Variants in RASA2 observed in about 807,000 individuals in gnomAD.
The protein encoded by RASA2 is RAS p21 protein activator 2.
RASA2 carries 155 observed loss-of-function variants against 118.2 expected under a neutral mutation model. That is an observed-to-expected ratio of 1.31 (90% CI 1.15 to 1.50). The LOEUF (loss-of-function observed/expected upper bound fraction) is 1.50, where lower values mean the gene tolerates loss of function less well. Ranked by LOEUF, RASA2 falls within the 40% of genes most tolerant of loss-of-function variation. The pLI, the probability that RASA2 is intolerant of heterozygous loss-of-function variation, is 0.00. For missense variants in RASA2, 1,016 were observed against 1,009.6 expected (o/e 1.01, Z -0.09); for synonymous variants, 353 against 349.1 (o/e 1.01, Z -0.12).
At chr3:141,544,374 C>T (rs559751368) in intron 5 of RASA2, among the ~76,000 whole-genome samples, 9 of 152,234 alleles carry the variant, frequency 5.9e-5, no homozygotes, top group South Asian at 2.1e-4. Flanking sequence ...TCTTTCAGAA[C>T]GCCAGTGGCA....
At chr3:141,555,665 C>A (rs567135906) in intron 6 of RASA2, among the ~76,000 whole-genome samples, 175 bp from the exon 7 acceptor site, 1 of 151,692 alleles carries the variant, frequency 6.6e-6, no homozygotes, top group African/African-American at 2.4e-5. Context: ...CTTATATATT[C>A]TTTGATTTGA....
chr3:141,549,006 A>T (rs750657392), intron 5 of RASA2, among the ~76,000 whole-genome samples: 8 of 152,116 alleles, frequency 5.3e-5, no homozygotes, highest in Admixed American at 1.3e-4. Flanking sequence ...ATTTATCATC[A>T]CAGGCCTCAC....
rs1437661849 is a variant in RASA2, at chr3:141,529,725, AAAG to A, written c.378_380del (p.Glu126del). On this transcript the variant is annotated inframe_deletion, in exon 4 of 24. Transcript: ENST00000286364. The stretch of plus-strand genomic sequence containing the variant: ...TTCTGTAGGAAAAGTAGCCATCAAA[AAAG>A]AAGACTTGTGTAATCACAGTGGCAA... 1.9e-6 allele frequency: 3 copies of A among 1,611,204 alleles called. No individual in the cohort carries two copies. The highest frequency in any genetic ancestry group is 2.5e-6 in the Non-Finnish European group (3 of 1,178,056).
chr3:141,536,799 G>A, intron 4 of RASA2, among the ~76,000 whole-genome samples: 1 of 148,524 alleles, frequency 6.7e-6, no homozygotes, highest in South Asian at 2.1e-4. Context: ...TTCTGCTGGA[G>A]TGCAATGGTG....
intron 9 of RASA2, among the ~76,000 whole-genome samples, chr3:141,568,826 T>C (rs1019098043): frequency 1.3e-5 from 2 of 152,062 alleles, no homozygotes; most frequent in African/African-American, 4.8e-5. Context: ...AAATAAATTT[T>C]GTGGGCAATA....
At chr3:141,503,252 C>A (rs1156318275) in intron 1 of RASA2, among the ~76,000 whole-genome samples, 1 of 152,196 alleles carries the variant, frequency 6.6e-6, no homozygotes, top group Non-Finnish European at 1.5e-5. Flanking sequence ...AATCCTCAAA[C>A]ATCCACATAG....
intron 3 of RASA2, among the ~76,000 whole-genome samples, chr3:141,519,150 G>T (rs1279713201): frequency 6.6e-6 from 1 of 152,082 alleles, no homozygotes; most frequent in African/African-American, 2.4e-5. Context: ...GTAAATTTCT[G>T]TATTGCCCCT....
intron 1 of RASA2, among the ~76,000 whole-genome samples, chr3:141,501,491 A>G (rs1016347078): frequency 2.6e-4 from 39 of 152,220 alleles, no homozygotes; most frequent in African/African-American, 9.4e-4. Flanking sequence ...GCTCACAACA[A>G]TCTTGAAGCA....
rs2107776945 is a variant in RASA2 at position 141,586,710 on chromosome 3, T to C, written c.1891T>C (p.Phe631Leu). ...AAAAAAGAATTTTAAGAAACGATGG[T>C]TCTGCTTAACAAGCAGAGAGCTCAC... ...IGKKNFKKRW[F>L]CLTSRELTYH... Residue 631 changes from phenylalanine to leucine, a missense_variant, in exon 19 of 24, where the codon TTC (phenylalanine) becomes CTC (leucine). Phe to Leu is a conservative substitution (Grantham distance 22). Transcript: ENST00000286364. 1 of 1,613,752 alleles carries C rather than the reference T, an allele frequency of 6.2e-7. No individual in the cohort carries two copies. Among genetic ancestry groups the C allele is most frequent in the Non-Finnish European group, 8.5e-7 (1 of 1,179,766 alleles).
Position 141,487,180 on chromosome 3 carries a change from G to C in RASA2, c.97G>C (p.Glu33Gln). Residue 33 changes from glutamate to glutamine, a missense_variant, in exon 1 of 24, where the codon GAG becomes CAG. By Grantham distance (29) the Glu-to-Gln change is conservative. This residue lies in a region of RASA2 where 896 missense variants were observed against 836.4 expected (regional missense o/e 1.07). Transcript: ENST00000286364. ...EPEAGDQDSR[E>Q]VRVLQSLRGK... ...CGAGGCCGGGGACCAGGACAGTCGCGAGGTTCGAGTGTTGCAGAGCCTGCG... is the reference window on the plus strand; with the variant it reads ...CGAGGCCGGGGACCAGGACAGTCGCCAGGTTCGAGTGTTGCAGAGCCTGCG... 6.8e-7 allele frequency: 1 copy of C among 1,465,810 alleles called. No homozygotes were observed. The highest frequency in any genetic ancestry group is 9.1e-7 in the Non-Finnish European group (1 of 1,099,360). The allele number at this position is 1,465,810 out of a possible 1,614,324, so 90.8% of individuals were successfully genotyped here. A position where few individuals can be genotyped will look rare whatever the true frequency, so the allele number is the denominator to read the frequency against.
intron 9 of RASA2, among the ~76,000 whole-genome samples, chr3:141,569,317 A>G (rs1458752063): frequency 1.3e-5 from 2 of 152,176 alleles, no homozygotes; most frequent in Admixed American, 6.5e-5. Context: ...CTCTTGTGAT[A>G]TCTTGAATGA....
At chr3:141,581,920 A>C (rs1435775701) in intron 17 of RASA2, among the ~76,000 whole-genome samples, 2 of 152,160 alleles carry the variant, frequency 1.3e-5, no homozygotes, top group Non-Finnish European at 2.9e-5. Flanking sequence ...AAAATATAGC[A>C]TTATCGTAAA....
In RASA2 at chr3:141,553,869, C is replaced by T. The variant is rs148503095; in HGVS notation, c.540C>T (p.Cys180=). The change falls in exon 6 of 24, where the codon TGC becomes TGT. Residue 180 remains cysteine, a synonymous_variant. Coordinates refer to ENST00000286364, the MANE Select transcript of RASA2 (RefSeq NM_006506.5). ...CQQLVVHIKA[C]HGLPLINGQS... is the part of the protein sequence containing the mutation. ...TATTCTACCTTAGCATCAAGGCATG[C>T]CATGGGTTGCCTCTCATAAATGGCC... 539 of 1,611,742 alleles carry T rather than the reference C, an allele frequency of 3.3e-4. No homozygotes were observed. Among genetic ancestry groups the T allele is most frequent in the Non-Finnish European group, 4.1e-4 (483 of 1,178,728 alleles).
At position 141,574,069 on chromosome 3, in the gene RASA2, T is replaced by G. The variant is rs775385424; in HGVS notation, c.1483+2T>G. On this transcript the variant is annotated splice_donor_variant, in intron 14 of 23. Coordinates refer to ENST00000286364, the MANE Select transcript of RASA2 (RefSeq NM_006506.5). LOFTEE classifies it high-confidence loss of function. The stretch of plus-strand genomic sequence containing the variant: ...AGATGGCTACTCAGAGATTTCCTAG[T>G]AAGTGCCTTGTTTTACTAAAACATG... The G allele has an allele frequency of 6.8e-7, 1 of 1,467,594 alleles. No homozygotes were observed. The allele number at this position is 1,467,594 out of a possible 1,614,324, so 90.9% of individuals were successfully genotyped here.
chr3:141,536,807 G>A (rs1351165231), intron 4 of RASA2, among the ~76,000 whole-genome samples: 1 of 149,728 alleles, frequency 6.7e-6, no homozygotes, highest in African/African-American at 2.5e-5. Context: ...GAGTGCAATG[G>A]TGTGATCTCA....
At chr3:141,511,255 G>A (rs970652893) in intron 1 of RASA2, among the ~76,000 whole-genome samples, 1 of 152,164 alleles carries the variant, frequency 6.6e-6, no homozygotes, top group Non-Finnish European at 1.5e-5. Flanking sequence ...ATGCCTACTG[G>A]ATATCCAAGG....
At chr3:141,545,650 G>A (rs1337079326) in intron 5 of RASA2, among the ~76,000 whole-genome samples, 1 of 151,778 alleles carries the variant, frequency 6.6e-6, no homozygotes, top group Non-Finnish European at 1.5e-5. Flanking sequence ...GTTTCATCAT[G>A]TTGGTCAGGC....
At chr3:141,497,100 G>A (rs932955179) in intron 1 of RASA2, among the ~76,000 whole-genome samples, 1 of 147,912 alleles carries the variant, frequency 6.8e-6, no homozygotes, top group African/African-American at 2.5e-5. Flanking sequence ...TCACTCATAG[G>A]TGGGAATTGA....
At chr3:141,571,112 A>G (rs948361088) in intron 10 of RASA2, 44 bp downstream of exon 10, 1 of 1,526,430 alleles carries the variant, frequency 6.6e-7, no homozygotes, top group Non-Finnish European at 8.8e-7. Context: ...CGAAACGGCT[A>G]AAATAATTCT....
Sources: gnomAD v4.1 joint callset for allele counts (sites outside exome capture counted in the v4.1 genomes callset) on GRCh38, gnomAD v4.1.1 for gene constraint, gnomAD v4.1.1 regional missense constraint, MANE v1.5 for transcripts, NCBI Gene and HGNC (gene_info 2026-07-23, HGNC 2026-07-21) for gene names.